ZSCAN25: variants seen among roughly 807,000 people sequenced by gnomAD.
The protein encoded by ZSCAN25 is zinc finger and SCAN domain containing 25.
Under a neutral mutation model 38.7 loss-of-function variants are expected in ZSCAN25, and 27 were observed. The observed-to-expected ratio is 0.70, with a 90% CI of 0.51 to 0.96. The LOEUF is 0.96. Among genes scored for constraint, ZSCAN25 ranks in the 40% least tolerant of loss-of-function variants. The pLI, the probability that ZSCAN25 is intolerant of heterozygous loss-of-function variation, is 0.00. For synonymous variants in ZSCAN25, 273 were observed against 277.7 expected (o/e 0.98, Z 0.17); for missense variants, 637 against 705.9 (o/e 0.90, Z 1.11).
At position 99,622,531 on chromosome 7, in the gene ZSCAN25, C is replaced by G. The variant is rs1018219494; in HGVS notation, c.590-18C>G. 6.8e-6 allele frequency: 11 copies of G among 1,612,714 alleles called. No homozygotes were observed. In the Middle Eastern group the frequency reaches 6.6e-4, roughly 97 times the overall value. The stretch of plus-strand genomic sequence containing the variant: ...ACTGATCCTTCTGATCTTTCTCATG[C>G]TTTTTGTCCCTGCTCAGCACTACCT... On this transcript the variant is annotated intron_variant, in intron 5 of 7. Coordinates refer to ENST00000394152, the MANE Select transcript of ZSCAN25 (RefSeq NM_145115.3).
At chr7:99,660,332 G>A in the ZSCAN25 span, 83 of 1,245,304 alleles carry the variant, frequency 6.7e-5, no homozygotes, top group African/African-American at 5.4e-4. Context: ...AGTAGCAACC[G>A]TTCTCTATGT....
chr7:99,710,890 G>A, the ZSCAN25 span: 1 of 1,613,706 alleles, frequency 6.2e-7, no homozygotes, highest in Non-Finnish European at 8.5e-7. Flanking sequence ...AGATCAGACA[G>A]AGCTGAAAGG....
At position 99,631,496 on chromosome 7, in the gene ZSCAN25, C is replaced by T; in HGVS notation, c.*1476C>T. The stretch of plus-strand genomic sequence containing the variant: ...AACTAGCGTGGACTGACTGCTGTGT[C>T]ATTGTGCTGTGCCTTTGAACCCTGG... On this transcript the variant is annotated 3_prime_UTR_variant, in exon 8 of 8. Coordinates refer to ENST00000394152, the MANE Select transcript of ZSCAN25 (RefSeq NM_145115.3). 3 of 985,500 alleles carry T rather than the reference C, an allele frequency of 3.0e-6. No individual in the cohort carries two copies. In the South Asian group the frequency reaches 1.4e-4, roughly 46 times the overall value. The allele number at this position is 985,500 out of a possible 1,614,324, so 61.0% of individuals were successfully genotyped here.
the ZSCAN25 span, chr7:99,695,940 G>A: frequency 1.1e-6 from 1 of 948,890 alleles, no homozygotes; most frequent in Non-Finnish European, 1.6e-6. Context: ...AAGAGAAGGA[G>A]GTAACATTAA....
chr7:99,666,278 C>G, the ZSCAN25 span, among the ~76,000 whole-genome samples: 1 of 152,178 alleles, frequency 6.6e-6, no homozygotes, highest in Non-Finnish European at 1.5e-5. Flanking sequence ...ACCCACAGTT[C>G]CATATCCACT....
the ZSCAN25 span, chr7:99,714,409 C>G: frequency 7.5e-7 from 1 of 1,333,996 alleles, no homozygotes; most frequent in South Asian, 1.5e-5. Flanking sequence ...GCATTCCTAC[C>G]AAATGAATTA....
At chr7:99,700,932 G>T in the ZSCAN25 span, among the ~76,000 whole-genome samples, 2 of 152,178 alleles carry the variant, frequency 1.3e-5, no homozygotes, top group African/African-American at 2.4e-5. Context: ...ATAATAGAAG[G>T]CATGTTCTGC....
intron 6 of ZSCAN25, among the ~76,000 whole-genome samples, 192 bp downstream of exon 6, chr7:99,622,832 AC>A (rs1807104787): frequency 6.6e-6 from 1 of 151,862 alleles, no homozygotes; most frequent in Non-Finnish European, 1.5e-5. Flanking sequence ...TTTACATCGA[AC>A]CTTATGTCTG....
the ZSCAN25 span, among the ~76,000 whole-genome samples, chr7:99,733,262 A>G: frequency 5.2e-4 from 79 of 152,316 alleles, no homozygotes; most frequent in African/African-American, 1.4e-3. Flanking sequence ...GGCCAGGACA[A>G]ACTATTGAGT....
chr7:99,657,714 G>A, the ZSCAN25 span, among the ~76,000 whole-genome samples: 2 of 152,156 alleles, frequency 1.3e-5, no homozygotes, highest in South Asian at 2.1e-4. Context: ...TTGTGTGGGA[G>A]TCTAACTCTC....
chr7:99,736,141 AG>A, the ZSCAN25 span, among the ~76,000 whole-genome samples: 1 of 152,332 alleles, frequency 6.6e-6, no homozygotes, highest in Admixed American at 6.5e-5. Flanking sequence ...TGCCGTAGAT[AG>A]AAAGTTAGAC....
chr7:99,622,544 C>T lies in ZSCAN25; in HGVS notation c.590-5C>T. 2 of 1,614,094 alleles carry T rather than the reference C, an allele frequency of 1.2e-6. No individual in the cohort carries two copies. The highest frequency in any genetic ancestry group is 1.1e-5 in the South Asian group (1 of 91,078). On this transcript the variant is annotated splice_region_variant and splice_polypyrimidine_tract_variant and intron_variant, in intron 5 of 7. Transcript: ENST00000394152. ...ATCTTTCTCATGCTTTTTGTCCCTGCTCAGCACTACCTGTTCTGCAGGCGG... is the reference window on the plus strand; with the variant it reads ...ATCTTTCTCATGCTTTTTGTCCCTGTTCAGCACTACCTGTTCTGCAGGCGG...
At position 99,631,135 on chromosome 7, in the gene ZSCAN25, AT is replaced by A. The variant is rs1392328043; in HGVS notation, c.*1117del. The A allele has an allele frequency of 1.0e-6, 1 of 985,292 alleles. No homozygotes were observed. Among genetic ancestry groups the A allele is most frequent in the African/African-American group, 1.7e-5 (1 of 57,218 alleles). The allele number at this position is 985,292 out of a possible 1,614,324, so 61.0% of individuals were successfully genotyped here. A position where few individuals can be genotyped will look rare whatever the true frequency, so the allele number is the denominator to read the frequency against. ...TACCTGATCTTCAGAACCCGTGGAT[AT>A]TCCTGCAAATCCTCTGGGCCTGTAT... On this transcript the variant is annotated 3_prime_UTR_variant, in exon 8 of 8. Coordinates refer to ENST00000394152, the MANE Select transcript of ZSCAN25 (RefSeq NM_145115.3).
the ZSCAN25 span, among the ~76,000 whole-genome samples, chr7:99,723,947 C>G: frequency 6.6e-6 from 1 of 152,214 alleles, no homozygotes; most frequent in Admixed American, 6.5e-5. Context: ...TCAGAGGTAT[C>G]TGATCACTGT....
chr7:99,708,462 TACCC>T, the ZSCAN25 span, among the ~76,000 whole-genome samples: 21 of 152,126 alleles, frequency 1.4e-4, no homozygotes, highest in East Asian at 2.3e-3. Context: ...TACCTTGTCT[TACCC>T]CTCCTTCTCT....
the ZSCAN25 span, among the ~76,000 whole-genome samples, chr7:99,712,658 A>T: frequency 6.6e-6 from 1 of 152,214 alleles, no homozygotes; most frequent in East Asian, 1.9e-4. Context: ...GATGATAGAT[A>T]GATAGACAGA....
the ZSCAN25 span, among the ~76,000 whole-genome samples, chr7:99,690,591 A>G: frequency 1.3e-5 from 2 of 152,226 alleles, no homozygotes; most frequent in South Asian, 4.1e-4. Context: ...ATCTCAAACA[A>G]ATTTACAAGA....
chr7:99,714,448 G>A, the ZSCAN25 span: 1 of 1,528,908 alleles, frequency 6.5e-7, no homozygotes, highest in Non-Finnish European at 8.8e-7. Flanking sequence ...TACTCTTTAT[G>A]TTAAAATCTT....
chr7:99,710,785 G>C, the ZSCAN25 span: 1 of 1,613,880 alleles, frequency 6.2e-7, no homozygotes, highest in South Asian at 1.1e-5. Context: ...TGGACATCAG[G>C]GTGAGTGGCC....
Sources: gnomAD v4.1 joint callset for allele counts (sites outside exome capture counted in the v4.1 genomes callset) on GRCh38, gnomAD v4.1.1 for gene constraint, MANE v1.5 for transcripts, NCBI Gene and HGNC (gene_info 2026-07-23, HGNC 2026-07-21) for gene names.